The following PDCL2 variants were observed in gnomAD, a reference collection of about 807,000 sequenced individuals.
PDCL2 encodes phosducin-like protein 2.
Under a neutral mutation model 30.3 loss-of-function variants are expected in PDCL2, and 23 were observed. The observed-to-expected ratio is 0.76, with a 90% CI of 0.55 to 1.08. The LOEUF (loss-of-function observed/expected upper bound fraction) is 1.08, where lower values mean the gene tolerates loss of function less well. Ranked by LOEUF, PDCL2 falls within the 50% of genes least tolerant of loss-of-function variation. The pLI is 0.00. For missense variants in PDCL2, 243 were observed against 282.3 expected (o/e 0.86, Z 1.00); for synonymous variants, 68 against 86.2 (o/e 0.79, Z 1.17).
At chr4:55,585,388 C>T (rs1732833233) in intron 1 of PDCL2, among the ~76,000 whole-genome samples, 1 of 152,034 alleles carries the variant, frequency 6.6e-6, no homozygotes, top group Non-Finnish European at 1.5e-5. Context: ...ATTAGCTGGG[C>T]ACAGTGGCAG....
At chr4:55,581,626 A>G (rs1046834817) in intron 2 of PDCL2, among the ~76,000 whole-genome samples, 3 of 152,234 alleles carry the variant, frequency 2.0e-5, no homozygotes, top group African/African-American at 7.2e-5. Context: ...GTGATTTTCA[A>G]CATGTGAAAT....
At chr4:55,570,246 T>C (rs78864726) in intron 3 of PDCL2, among the ~76,000 whole-genome samples, 3,947 of 152,304 alleles carry the variant, frequency 0.026, 181 homozygotes, top group African/African-American at 0.09. Context: ...GGCACTATTT[T>C]AAATACATAA....
At chr4:55,566,451 G>C (rs918012309) in intron 4 of PDCL2, among the ~76,000 whole-genome samples, 2 of 42,196 alleles carry the variant, frequency 4.7e-5, no homozygotes, top group Non-Finnish European at 1.1e-4. Flanking sequence ...TTTTTGATTT[G>C]GAGTCTTGCT....
Position 55,581,997 on chromosome 4 carries a change from A to G in PDCL2, c.127+120T>C, listed in dbSNP as rs561216091. The G allele has an allele frequency of 2.1e-5, 28 of 1,363,522 alleles. No individual in the cohort carries two copies. In the African/African-American group the frequency reaches 3.5e-4, roughly 17 times the overall value. 84.5% of individuals were successfully genotyped at this position (1,363,522 alleles called of 1,614,324 possible). ...GCTGGGATTACAGGTGTGAGCCACCATGCCCAGCCTATACTAAATGATTTC... is the reference window on the plus strand; with the variant it reads ...GCTGGGATTACAGGTGTGAGCCACCGTGCCCAGCCTATACTAAATGATTTC... On this transcript the variant is annotated intron_variant, in intron 2 of 5. Transcript: ENST00000295645.
chr4:55,565,655 C>A (rs1040368695), intron 4 of PDCL2, among the ~76,000 whole-genome samples: 5 of 152,120 alleles, frequency 3.3e-5, no homozygotes, highest in African/African-American at 9.7e-5. Flanking sequence ...GAGGACACAG[C>A]CAAACCATAT....
chr4:55,592,055 G>A, intron 1 of PDCL2, 49 bp downstream of exon 1: 5 of 1,603,100 alleles, frequency 3.1e-6, no homozygotes, highest in South Asian at 2.3e-5. Flanking sequence ...GGGCCCAGCT[G>A]GAGACCCACT....
intron 1 of PDCL2, among the ~76,000 whole-genome samples, chr4:55,589,159 A>G (rs1317505713): frequency 2.0e-5 from 3 of 152,118 alleles, no homozygotes; most frequent in Non-Finnish European, 4.4e-5. Flanking sequence ...GCGCCCAGCC[A>G]GTACGGATGT....
At chr4:55,560,695 T>C (rs1468709400) in intron 5 of PDCL2, among the ~76,000 whole-genome samples, 3 of 152,124 alleles carry the variant, frequency 2.0e-5, no homozygotes, top group South Asian at 2.1e-4. Flanking sequence ...AATGTTTATG[T>C]CTCCCCAAAA....
In PDCL2 at chr4:55,571,910, T is replaced by C. The variant is rs73819654; in HGVS notation, c.219-2049A>G. On this transcript the variant is annotated intron_variant, in intron 3 of 5. Coordinates refer to ENST00000295645, the MANE Select transcript of PDCL2 (RefSeq NM_152401.3). ...ACCTAGAGTTACTCCACAGTTCTTA[T>C]GGGAGCCCTACTTTGTTTGCACCGA... Among the ~76,000 whole-genome samples the C allele has an allele frequency of 4.1e-3, 619 of 151,910 alleles. 6 individuals carry two copies. The highest frequency in any genetic ancestry group is 0.014 in the African/African-American group (589 of 41,414).
chr4:55,591,652 AAC>A (rs1355230717), intron 1 of PDCL2, among the ~76,000 whole-genome samples: 1 of 152,118 alleles, frequency 6.6e-6, no homozygotes, highest in African/African-American at 2.4e-5. Context: ...CCAAAAGTCT[AAC>A]AGAGTTTTTG....
intron 1 of PDCL2, among the ~76,000 whole-genome samples, chr4:55,586,411 T>G (rs1319266988): frequency 6.6e-6 from 1 of 152,244 alleles, no homozygotes; most frequent in East Asian, 1.9e-4. Context: ...TCTGTGTACT[T>G]CATGCAGGTG....
chr4:55,562,444 A>G lies in PDCL2; in HGVS notation c.531T>C (p.Ile177=). 1 of 1,501,546 alleles carries G rather than the reference A, an allele frequency of 6.7e-7. No homozygotes were observed. The highest frequency in any genetic ancestry group is 8.9e-7 in the Non-Finnish European group (1 of 1,125,468). 93.0% of individuals were successfully genotyped at this position (1,501,546 alleles called of 1,614,324 possible). ...TTATCCCTCCACATTCTATAATTCC[A>G]ATGAATTTGGCTTCTATCTGACCAT... The part of the protein sequence containing the change: ...YKNGQIEAKF[I]GIIECGGINL... The change falls in exon 5 of 6, where the codon ATT becomes ATC. Residue 177 remains isoleucine (I), a synonymous_variant. Transcript: ENST00000295645.
intron 3 of PDCL2, among the ~76,000 whole-genome samples, chr4:55,572,939 T>C (rs1485398325): frequency 6.6e-6 from 1 of 152,106 alleles, no homozygotes; most frequent in Non-Finnish European, 1.5e-5. Context: ...TTTCTATTTT[T>C]AGTAGAGACA....
At chr4:55,566,662 A>C (rs1732277822) in intron 4 of PDCL2, among the ~76,000 whole-genome samples, 1 of 151,864 alleles carries the variant, frequency 6.6e-6, no homozygotes, top group Non-Finnish European at 1.5e-5. Flanking sequence ...TCCTGACCTC[A>C]AGTGATCCGC....
At chr4:55,561,759 T>C (rs1054612457) in intron 5 of PDCL2, among the ~76,000 whole-genome samples, 2 of 152,128 alleles carry the variant, frequency 1.3e-5, no homozygotes, top group Non-Finnish European at 2.9e-5. Flanking sequence ...AGTCTTGTGT[T>C]GTGTGCTAAG....
Position 55,579,852 on chromosome 4 carries a change from G to T in PDCL2, c.218+969C>A, listed in dbSNP as rs1560503912. Among the ~76,000 whole-genome samples the T allele has an allele frequency of 3.5e-5, 5 of 144,676 alleles. No individual in the cohort carries two copies. The South Asian group carries it at 9.0e-4, about 26-fold the overall frequency. 94.9% of individuals were successfully genotyped at this position (144,676 alleles called of 152,430 possible). A position where few individuals can be genotyped will look rare whatever the true frequency, so the allele number is the denominator to read the frequency against. ...GCCCCAATTCACTGGTTTTTTGTTT[G>T]TTTTTTTTTTCGAGGTGGAGTTTCG... On this transcript the variant is annotated intron_variant, in intron 3 of 5. Coordinates refer to ENST00000295645, the MANE Select transcript of PDCL2 (RefSeq NM_152401.3).
At chr4:55,589,248 G>A (rs1269429478) in intron 1 of PDCL2, among the ~76,000 whole-genome samples, 1 of 152,106 alleles carries the variant, frequency 6.6e-6, no homozygotes, top group East Asian at 1.9e-4. Context: ...TCTCATGGTG[G>A]CTTATTTCCT....
At position 55,589,163 on chromosome 4, in the gene PDCL2, C is replaced by T. The variant is rs60542719; in HGVS notation, c.6+2941G>A. The stretch of plus-strand genomic sequence containing the variant: ...CATGAGCCACCGCGCCCAGCCAGTA[C>T]GGATGTTTTATAACCTATTTCTGAT... On this transcript the variant is annotated intron_variant, in intron 1 of 5. Coordinates refer to ENST00000295645, the MANE Select transcript of PDCL2 (RefSeq NM_152401.3). 6.9e-3 allele frequency among the ~76,000 whole-genome samples: 1,052 copies of T among 152,192 alleles called. 12 individuals are homozygous for T. Among genetic ancestry groups the T allele is most frequent in the African/African-American group, 0.024 (985 of 41,542 alleles).
At chr4:55,560,321 C>T (rs1732100998) in intron 5 of PDCL2, among the ~76,000 whole-genome samples, 1 of 152,058 alleles carries the variant, frequency 6.6e-6, no homozygotes, top group Non-Finnish European at 1.5e-5. Context: ...AAAAGATAAG[C>T]AAACAGGCCA....
Sources: gnomAD v4.1 joint callset for allele counts (sites outside exome capture counted in the v4.1 genomes callset) on GRCh38, gnomAD v4.1.1 for gene constraint, MANE v1.5 for transcripts, NCBI Gene and HGNC (gene_info 2026-07-23, HGNC 2026-07-21) for gene names.